The following TMEM232 variants were observed in gnomAD, a reference collection of about 807,000 sequenced individuals.
The protein encoded by TMEM232 is transmembrane protein 232.
TMEM232 carries 80 observed loss-of-function variants against 78.8 expected under a neutral mutation model. The ratio of observed to expected loss-of-function variants is 1.01; its 90% CI spans 0.85 to 1.22. The LOEUF is 1.22. TMEM232 is among the 50% of genes most tolerant of loss of function. The probability of loss-of-function intolerance (pLI) is 0.00; values close to 1 mark genes in which losing one functional copy is unlikely to be tolerated. For missense variants in TMEM232, 881 were observed against 742.2 expected (o/e 1.19, Z -2.17); for synonymous variants, 297 against 254.3 (o/e 1.17, Z -1.60).
intron 12 of TMEM232, among the ~76,000 whole-genome samples, chr5:110,503,106 T>C (rs924651955): frequency 6.9e-6 from 1 of 144,660 alleles, no homozygotes; most frequent in Non-Finnish European, 1.5e-5. Flanking sequence ...TCAGTTATGT[T>C]TAGCTTATTA....
chr5:110,494,485 T>C (rs1436918481), intron 12 of TMEM232, among the ~76,000 whole-genome samples: 1 of 152,082 alleles, frequency 6.6e-6, no homozygotes, highest in East Asian at 1.9e-4. Flanking sequence ...GGAAGTCTTA[T>C]AAATGCTGAT....
chr5:110,511,310 A>C (rs1181138420), intron 12 of TMEM232, among the ~76,000 whole-genome samples: 1 of 152,036 alleles, frequency 6.6e-6, no homozygotes, highest in South Asian at 2.1e-4. Flanking sequence ...GGGAGTAAGG[A>C]GAGGGATAGC....
chr5:110,441,578 G>A (rs1157158531), intron 12 of TMEM232, among the ~76,000 whole-genome samples: 1 of 152,082 alleles, frequency 6.6e-6, no homozygotes, highest in Non-Finnish European at 1.5e-5. Context: ...TAACCTAATT[G>A]TTAGAAGACT....
At position 110,627,660 on chromosome 5, in the gene TMEM232, C is replaced by T. The variant is rs1162073023; in HGVS notation, c.601+121G>A. Reference sequence around the variant, plus strand: ...CTGGCCCTGAAGCTGTGCTCTTCAACACTGCACCTATTATCTTTTATGAAA... The same window carrying T: ...CTGGCCCTGAAGCTGTGCTCTTCAATACTGCACCTATTATCTTTTATGAAA... On this transcript the variant is annotated intron_variant, in intron 6 of 13. Coordinates refer to ENST00000455884, the MANE Select transcript of TMEM232 (RefSeq NM_001039763.4). 4 of 676,298 alleles carry T rather than the reference C, an allele frequency of 5.9e-6. No individual in the cohort carries two copies. In the East Asian group the frequency reaches 9.4e-5, roughly 16 times the overall value. 41.9% of individuals were successfully genotyped at this position (676,298 alleles called of 1,614,324 possible).
chr5:110,697,207 C>T (rs1385109733), intron 1 of TMEM232, among the ~76,000 whole-genome samples: 13 of 152,160 alleles, frequency 8.5e-5, no homozygotes, highest in Non-Finnish European at 1.8e-4. Flanking sequence ...AAAGGATTCC[C>T]TATTTAAGAA....
intron 2 of TMEM232, among the ~76,000 whole-genome samples, chr5:110,412,798 T>C (rs529608293): frequency 6.6e-6 from 1 of 152,304 alleles, no homozygotes; most frequent in East Asian, 1.9e-4. Context: ...CATTTAAATA[T>C]TTTCATCTCC....
chr5:110,535,781 A>G (rs914321429), intron 11 of TMEM232, among the ~76,000 whole-genome samples: 2 of 152,182 alleles, frequency 1.3e-5, no homozygotes, highest in African/African-American at 4.8e-5. Context: ...GGTAAAACAC[A>G]CTGTAATCAA....
At chr5:110,401,823 A>G (rs1037751543) in intron 2 of TMEM232, among the ~76,000 whole-genome samples, 1 of 152,134 alleles carries the variant, frequency 6.6e-6, no homozygotes, top group African/African-American at 2.4e-5. Context: ...TTTAGAAAAC[A>G]TCAGAAGATA....
intron 10 of TMEM232, among the ~76,000 whole-genome samples, chr5:110,580,023 GA>G (rs1418086411): frequency 1.3e-5 from 2 of 151,344 alleles, no homozygotes; most frequent in African/African-American, 2.4e-5. Context: ...TACTTATACA[GA>G]AAAAAGAAAC....
chr5:110,517,499 G>C (rs1768847710), intron 12 of TMEM232, among the ~76,000 whole-genome samples: 1 of 152,152 alleles, frequency 6.6e-6, no homozygotes, highest in African/African-American at 2.4e-5. Flanking sequence ...CCTGATCTAG[G>C]CTTGCCTTGT....
At chr5:110,599,556 T>C (rs912996751) in intron 10 of TMEM232, among the ~76,000 whole-genome samples, 3 of 151,772 alleles carry the variant, frequency 2.0e-5, no homozygotes, top group African/African-American at 7.3e-5. Flanking sequence ...CCAACAAAGA[T>C]AAAAAAAGAC....
At chr5:110,585,060 A>T (rs1778650395) in intron 10 of TMEM232, among the ~76,000 whole-genome samples, 4 of 152,116 alleles carry the variant, frequency 2.6e-5, no homozygotes, top group Admixed American at 2.6e-4. Context: ...AATACTTTGT[A>T]TTGTTTATTC....
chr5:110,488,789 A>G (rs1561559335), intron 12 of TMEM232, among the ~76,000 whole-genome samples: 1 of 152,028 alleles, frequency 6.6e-6, no homozygotes, highest in Non-Finnish European at 1.5e-5. Flanking sequence ...TTGAAAGATC[A>G]GCAAAAATGA....
At position 110,642,245 on chromosome 5, in the gene TMEM232, A is replaced by G. The variant is rs112042380; in HGVS notation, c.237+15T>C. ...GGAAGTTAACATGCTCAACAATCAA[A>G]TGATATGCCATTACCTTACATCTGA... On this transcript the variant is annotated intron_variant, in intron 3 of 13. Coordinates refer to ENST00000455884, the MANE Select transcript of TMEM232 (RefSeq NM_001039763.4). 7.5e-6 allele frequency: 11 copies of G among 1,468,468 alleles called. No individual in the cohort carries two copies. In the African/African-American group the frequency reaches 1.0e-4, roughly 13 times the overall value. 91.0% of individuals were successfully genotyped at this position (1,468,468 alleles called of 1,614,324 possible).
chr5:110,458,772 T>C (rs1580764759), intron 12 of TMEM232, among the ~76,000 whole-genome samples: 2 of 152,160 alleles, frequency 1.3e-5, no homozygotes, highest in Admixed American at 1.3e-4. Context: ...CTCTATGTGT[T>C]TGGAGCAGTT....
At chr5:110,410,541 CTATA>C (rs1755956391) in intron 2 of TMEM232, among the ~76,000 whole-genome samples, 2 of 152,126 alleles carry the variant, frequency 1.3e-5, no homozygotes, top group Admixed American at 6.6e-5. Flanking sequence ...AACATACAAG[CTATA>C]TAGGCTTGCT....
upstream of TMEM232, chr5:110,738,209 G>T: frequency 7.8e-7 from 1 of 1,286,600 alleles, no homozygotes; most frequent in Non-Finnish European, 1.0e-6. Context: ...ATCTGGGGAG[G>T]GAGCCTGGCC....
chr5:110,408,209 C>T (rs1028305135), intron 2 of TMEM232, among the ~76,000 whole-genome samples: 2 of 151,858 alleles, frequency 1.3e-5, no homozygotes, highest in Admixed American at 1.3e-4. Context: ...TGGTGCACCT[C>T]AAGGAATTAG....
intron 8 of TMEM232, among the ~76,000 whole-genome samples, chr5:110,611,955 C>G (rs1214647756): frequency 6.6e-6 from 1 of 152,048 alleles, no homozygotes; most frequent in Non-Finnish European, 1.5e-5. Flanking sequence ...GATAAGATGT[C>G]TGATTTGGTT....
Sources: allele counts gnomAD v4.1 joint callset (sites outside exome capture counted in the v4.1 genomes callset), GRCh38; gene constraint gnomAD v4.1.1; transcripts MANE v1.5; gene names NCBI Gene and HGNC (gene_info 2026-07-23, HGNC 2026-07-21).